DENND6B: variants seen among roughly 807,000 people sequenced by gnomAD.
DENND6B encodes protein DENND6B.
Under a neutral mutation model 85.1 loss-of-function variants are expected in DENND6B, and 73 were observed. That is an observed-to-expected ratio of 0.86 (90% CI 0.71 to 1.04). The LOEUF is 1.04. Ranked by LOEUF, DENND6B falls within the 50% of genes least tolerant of loss-of-function variation. The pLI is 0.00. For missense variants in DENND6B, 715 were observed against 785.8 expected (o/e 0.91, Z 1.08); for synonymous variants, 357 against 329.3 (o/e 1.08, Z -0.91).
chr22:50,315,621 CATA>C, intron 9 of DENND6B, 90 bp downstream of exon 9: 1 of 1,382,298 alleles, frequency 7.2e-7, no homozygotes, highest in Non-Finnish European at 9.8e-7. Context: ...CACGCACACA[CATA>C]CTCACACACA....
chr22:50,326,754 T>TGG (rs1341372550), intron 1 of DENND6B, 58 bp downstream of exon 1: 1 of 1,297,838 alleles, frequency 7.7e-7, no homozygotes, highest in African/African-American at 1.6e-5. Context: ...GAGGCGGGAC[T>TGG]GGCCCCGAGA....
At chr22:50,321,692 A>G (rs373168735) in intron 1 of DENND6B, among the ~76,000 whole-genome samples, 3 of 150,994 alleles carry the variant, frequency 2.0e-5, no homozygotes, top group Non-Finnish European at 3.0e-5. Flanking sequence ...TTTTTAAGAC[A>G]AGGTCTCACT....
rs1180078923 is a variant in DENND6B at position 50,311,132 on chromosome 22, G to T, written c.*1007C>A. On this transcript the variant is annotated 3_prime_UTR_variant, in exon 20 of 20. Coordinates refer to ENST00000413817, the MANE Select transcript of DENND6B (RefSeq NM_001001794.4). ...GAGTGGTCAGGGGACCTGCTCCCGGGCACACAGTGCGTGATGCTGAGCAGG... is the reference window on the plus strand; with the variant it reads ...GAGTGGTCAGGGGACCTGCTCCCGGTCACACAGTGCGTGATGCTGAGCAGG... 1 of 152,166 alleles carries T rather than the reference G, an allele frequency of 6.6e-6. No homozygotes were observed. Among genetic ancestry groups the T allele is most frequent in the Non-Finnish European group, 1.5e-5 (1 of 68,064 alleles). 9.4% of individuals were successfully genotyped at this position (152,166 alleles called of 1,614,324 possible).
chr22:50,314,961 C>T (rs1047888774), intron 9 of DENND6B, 40 bp from the exon 10 acceptor site: 2 of 1,598,788 alleles, frequency 1.3e-6, no homozygotes, highest in African/African-American at 2.7e-5. Flanking sequence ...CAGGCAGGGG[C>T]TGAGACTCCT....
At chr22:50,316,877 AGAAGGGC>A in intron 5 of DENND6B, 9 of 340,718 alleles carry the variant, frequency 2.6e-5, no homozygotes, top group Non-Finnish European at 3.7e-5. Context: ...GGACCAGGAC[AGAAGGGC>A]CTTGGGTCCC....
rs373439929 is a variant in DENND6B at position 50,314,564 on chromosome 22, G to A, written c.977+41C>T. On this transcript the variant is annotated intron_variant, in intron 11 of 19. Coordinates refer to ENST00000413817, the MANE Select transcript of DENND6B (RefSeq NM_001001794.4). ...GAGGTGCAGGAAGGGCGAGAGGCAG[G>A]GCGGAGCAAGGGCAAGAGGCGGGGC... is the stretch of plus-strand genomic sequence containing the variant. The A allele has an allele frequency of 1.3e-5, 20 of 1,554,768 alleles. No individual in the cohort carries two copies. In the African/African-American group the frequency reaches 2.5e-4, roughly 19 times the overall value.
chr22:50,311,845 A>G lies in DENND6B; in HGVS notation c.*294T>C. ...GGCAGACGGTAGACGCACCCACATC[A>G]GCAAGGGCTCCCAGCCTGTCCCCGC... On this transcript the variant is annotated 3_prime_UTR_variant, in exon 20 of 20. Coordinates refer to ENST00000413817, the MANE Select transcript of DENND6B (RefSeq NM_001001794.4). 1 of 441,766 alleles carries G rather than the reference A, an allele frequency of 2.3e-6. No homozygotes were observed. Among genetic ancestry groups the G allele is most frequent in the Admixed American group, 3.9e-5 (1 of 25,974 alleles). The allele number at this position is 441,766 out of a possible 1,614,324, so 27.4% of individuals were successfully genotyped here. A position where few individuals can be genotyped will look rare whatever the true frequency, so the allele number is the denominator to read the frequency against.
chr22:50,326,909 G>T lies in DENND6B; in HGVS notation c.80C>A (p.Ala27Glu). 7.2e-7 allele frequency: 1 copy of T among 1,384,204 alleles called. No homozygotes were observed. Among genetic ancestry groups the T allele is most frequent in the Non-Finnish European group, 9.4e-7 (1 of 1,068,940 alleles). The allele number at this position is 1,384,204 out of a possible 1,614,324, so 85.7% of individuals were successfully genotyped here. Residue 27 changes from alanine to glutamate, a missense_variant, in exon 1 of 20, where the codon GCG (alanine) becomes GAG (glutamate). Physicochemically the swap from Ala to Glu is moderately radical, Grantham distance 107. Coordinates refer to ENST00000413817, the MANE Select transcript of DENND6B (RefSeq NM_001001794.4). ...CCAGGGCGCCGCCGGGGTCCGCGCC[G>T]CGCGACCTGAAGACGTGGGTCCAGC... ...GAAGPTSSGRAARTPAAPWAR... is the reference protein window; with the variant it reads ...GAAGPTSSGREARTPAAPWAR...
intron 3 of DENND6B, among the ~76,000 whole-genome samples, chr22:50,318,346 A>T (rs548075073): frequency 6.6e-6 from 1 of 152,210 alleles, no homozygotes; most frequent in Non-Finnish European, 1.5e-5. Context: ...CCGTTTAAAT[A>T]AAAAAAGCCC....
At position 50,314,924 on chromosome 22, in the gene DENND6B, G is replaced by A. The variant is rs1480037411; in HGVS notation, c.759-3C>T. The A allele has an allele frequency of 3.7e-6, 6 of 1,608,264 alleles. No individual in the cohort carries two copies. The highest frequency in any genetic ancestry group is 5.1e-6 in the Non-Finnish European group (6 of 1,176,642). On this transcript the variant is annotated splice_polypyrimidine_tract_variant and splice_region_variant and intron_variant, in intron 9 of 19. Coordinates refer to ENST00000413817, the MANE Select transcript of DENND6B (RefSeq NM_001001794.4). ...GAGTCAGCACAGGCCGGAAGCACCT[G>A]GGGCCGGGCAGGAAGGTCGGGGAGG...
intron 14 of DENND6B, 22 bp downstream of exon 14, chr22:50,313,792 C>A: frequency 6.2e-7 from 1 of 1,611,612 alleles, no homozygotes; most frequent in Non-Finnish European, 8.5e-7. Context: ...CGTCCCCAGC[C>A]CCTGCCCCAC....
At chr22:50,325,030 C>T (rs1382095303) in intron 1 of DENND6B, among the ~76,000 whole-genome samples, 1 of 152,184 alleles carries the variant, frequency 6.6e-6, no homozygotes, top group Non-Finnish European at 1.5e-5. Flanking sequence ...CCTCGATCTT[C>T]CCTGTGACTT....
chr22:50,319,258 C>A, intron 1 of DENND6B: 1 of 985,374 alleles, frequency 1.0e-6, no homozygotes, highest in Non-Finnish European at 1.2e-6. Flanking sequence ...TGATGTCTGG[C>A]TCCTTGCTGA....
intron 1 of DENND6B, among the ~76,000 whole-genome samples, chr22:50,325,682 A>G (rs182371907): frequency 1.2e-4 from 19 of 152,280 alleles, no homozygotes; most frequent in Admixed American, 1.2e-3. Flanking sequence ...CAATCTGGGC[A>G]ACAGTATTGA....
intron 1 of DENND6B, among the ~76,000 whole-genome samples, chr22:50,324,035 A>G (rs2042128064): frequency 6.6e-6 from 1 of 151,988 alleles, no homozygotes; most frequent in African/African-American, 2.4e-5. Flanking sequence ...GCCCAGCCCA[A>G]GAGGTGAGTT....
rs374958143 is a variant in DENND6B at position 50,322,852 on chromosome 22, A to ATT, written c.178-3851_178-3850dup. On this transcript the variant is annotated intron_variant, in intron 1 of 19. Coordinates refer to ENST00000413817, the MANE Select transcript of DENND6B (RefSeq NM_001001794.4). Reference sequence around the variant, plus strand: ...GGCATGAGCCACCGTGCCCAGCCTTATTTTTTTTTTTTTCTTGAGACAGAG... The same window carrying ATT: ...GGCATGAGCCACCGTGCCCAGCCTTATTTTTTTTTTTTTTTCTTGAGACAGAG... Among the ~76,000 whole-genome samples, 95 of 140,836 alleles carry ATT rather than the reference A, an allele frequency of 6.7e-4. 1 individual carries two copies. Among genetic ancestry groups the ATT allele is most frequent in the Middle Eastern group, 3.8e-3 (1 of 262 alleles). 92.4% of individuals were successfully genotyped at this position (140,836 alleles called of 152,430 possible).
intron 1 of DENND6B, among the ~76,000 whole-genome samples, chr22:50,320,904 G>C (rs1484350969): frequency 1.3e-5 from 2 of 152,212 alleles, no homozygotes; most frequent in Non-Finnish European, 2.9e-5. Context: ...CATCCTTTTT[G>C]AGAGTGTCCC....
chr22:50,313,792 C>T, intron 14 of DENND6B, 22 bp downstream of exon 14: 1 of 1,611,612 alleles, frequency 6.2e-7, no homozygotes, highest in Non-Finnish European at 8.5e-7. Context: ...CGTCCCCAGC[C>T]CCTGCCCCAC....
At chr22:50,324,498 C>T (rs1471189839) in intron 1 of DENND6B, among the ~76,000 whole-genome samples, 2 of 152,198 alleles carry the variant, frequency 1.3e-5, no homozygotes, top group Non-Finnish European at 2.9e-5. Context: ...GATCTCGGCT[C>T]ACCACAACCT....
Sources: allele counts gnomAD v4.1 joint callset (sites outside exome capture counted in the v4.1 genomes callset), GRCh38; gene constraint gnomAD v4.1.1; transcripts MANE v1.5; gene names NCBI Gene and HGNC (gene_info 2026-07-23, HGNC 2026-07-21).